NSD2: variants seen among roughly 807,000 people sequenced by gnomAD.
The protein encoded by NSD2 is nuclear receptor binding SET domain protein 2, also known as histone-lysine N-methyltransferase NSD2.
A neutral mutation model predicts 139.0 loss-of-function variants in NSD2; 12 were observed. That is an observed-to-expected ratio of 0.09 (90% CI 0.06 to 0.14). The LOEUF (loss-of-function observed/expected upper bound fraction) is 0.14. NSD2 is among the 10% of genes least tolerant of loss of function. The pLI, the probability that NSD2 is intolerant of heterozygous loss-of-function variation, is 1.00. For missense variants in NSD2, 1,155 were observed against 1,745.0 expected (o/e 0.66, Z 6.02); for synonymous variants, 669 against 648.7 (o/e 1.03, Z -0.48).
intron 1 of NSD2, among the ~76,000 whole-genome samples, chr4:1,899,979 C>T (rs1716938601): frequency 6.6e-6 from 1 of 152,182 alleles, no homozygotes; most frequent in South Asian, 2.1e-4. Context: ...CATAGCCAGA[C>T]CTGACTGGGA....
chr4:1,928,706 G>A (rs937165814), intron 5 of NSD2, among the ~76,000 whole-genome samples: 17 of 152,134 alleles, frequency 1.1e-4, no homozygotes, highest in Non-Finnish European at 2.5e-4. Flanking sequence ...CCTAACTGGG[G>A]GCTCTGGAGT....
intron 8 of NSD2, among the ~76,000 whole-genome samples, 182 bp downstream of exon 8, chr4:1,938,714 A>G (rs1722754916): frequency 6.6e-6 from 1 of 152,112 alleles, no homozygotes; most frequent in Admixed American, 6.5e-5. Context: ...GTTGAAAACT[A>G]AACTGTTTTA....
chr4:1,885,665 G>A (rs1715031649), intron 1 of NSD2, among the ~76,000 whole-genome samples: 1 of 151,936 alleles, frequency 6.6e-6, no homozygotes, highest in South Asian at 2.1e-4. Flanking sequence ...GCTCTTCATG[G>A]CTGTGCCTTC....
At chr4:1,900,291 A>C (rs973294490) in intron 1 of NSD2, among the ~76,000 whole-genome samples, 1 of 152,200 alleles carries the variant, frequency 6.6e-6, no homozygotes, top group Non-Finnish European at 1.5e-5. Flanking sequence ...GACAGGTGGA[A>C]ATCTGTGTTT....
At chr4:1,931,047 T>A (rs1721575078) in intron 6 of NSD2, among the ~76,000 whole-genome samples, 1 of 152,118 alleles carries the variant, frequency 6.6e-6, no homozygotes, top group Non-Finnish European at 1.5e-5. Context: ...TCACTGCTGC[T>A]GATGGGGCTG....
At chr4:1,873,179 G>C (rs969351819) in intron 1 of NSD2, among the ~76,000 whole-genome samples, 1 of 152,184 alleles carries the variant, frequency 6.6e-6, no homozygotes, top group Non-Finnish European at 1.5e-5. Flanking sequence ...GGTAGAGTGA[G>C]GACTTACTGC....
rs1727052392 is a variant in NSD2 at position 1,976,114 on chromosome 4, C to T, written c.3622-361C>T. On this transcript the variant is annotated intron_variant, in intron 20 of 21. Coordinates refer to ENST00000508803, the MANE Select transcript of NSD2 (RefSeq NM_001042424.3). The surrounding 1 kb of genome is among the most constrained non-coding windows in gnomAD (Gnocchi z 5.3). ...CTGTGCCCACGTTCCTGTGGAATTT[C>T]CTAATGAGGAGACCCTGGGTGGCGG... 6.6e-6 allele frequency among the ~76,000 whole-genome samples: 1 copy of T among 152,174 alleles called. No homozygotes were observed. Among genetic ancestry groups the T allele is most frequent in the Non-Finnish European group, 1.5e-5 (1 of 68,038 alleles).
At chr4:1,911,046 G>C (rs920089968) in intron 3 of NSD2, among the ~76,000 whole-genome samples, 1 of 151,960 alleles carries the variant, frequency 6.6e-6, no homozygotes, top group Non-Finnish European at 1.5e-5. Context: ...CTCTTGGTGG[G>C]GTTCATTTTG....
At chr4:1,950,988 G>C (rs1724159687) in intron 9 of NSD2, 84 bp from the exon 10 acceptor site, 2 of 1,549,356 alleles carry the variant, frequency 1.3e-6, no homozygotes, top group Non-Finnish European at 8.8e-7. Context: ...TGGTGGGGTG[G>C]GGCGGGACGA....
intron 3 of NSD2, among the ~76,000 whole-genome samples, chr4:1,909,772 C>G (rs1007186756): frequency 4.0e-5 from 6 of 151,710 alleles, no homozygotes; most frequent in Admixed American, 6.6e-5. Flanking sequence ...TCCCGAGTAG[C>G]TGGGATTACA....
Position 1,956,112 on chromosome 4 carries a change from A to C in NSD2, c.2805A>C (p.Arg935=), listed in dbSNP as rs1229875672. ...SKDYYWTHQA[R]VFPYMEGDRG... is the part of the protein sequence containing the mutation. ...ATTATTACTGGACGCATCAGGCGCGAGTGTTCCCGTACATGGAGGGGGACC... is the reference window on the plus strand; with the variant it reads ...ATTATTACTGGACGCATCAGGCGCGCGTGTTCCCGTACATGGAGGGGGACC... Residue 935 remains arginine, a synonymous_variant, in exon 15 of 22, where the codon CGA becomes CGC. Transcript: ENST00000508803. This position sits in a 1 kb window ranked among gnomAD's most constrained non-coding sequence, Gnocchi z 5.3. 2 of 1,613,792 alleles carry C rather than the reference A, an allele frequency of 1.2e-6. No homozygotes were observed. Among genetic ancestry groups the C allele is most frequent in the African/African-American group, 1.3e-5 (1 of 74,912 alleles).
At chr4:1,892,965 G>T (rs953477944) in intron 1 of NSD2, 7 of 151,878 alleles carry the variant, frequency 4.6e-5, no homozygotes, top group African/African-American at 1.7e-4. Flanking sequence ...TTTTATAATG[G>T]TCATGTTGCA....
At chr4:1,910,406 C>T (rs911038525) in intron 3 of NSD2, among the ~76,000 whole-genome samples, 9 of 151,522 alleles carry the variant, frequency 5.9e-5, no homozygotes, top group South Asian at 2.1e-4. Flanking sequence ...TGTATTTTTG[C>T]TAGAGATGGG....
chr4:1,952,702 T>A, intron 11 of NSD2: 1 of 1,066,438 alleles, frequency 9.4e-7, no homozygotes, highest in Non-Finnish European at 1.1e-6. Context: ...AGCTCCAGGC[T>A]TGTCCTGGGT....
chr4:1,977,426 C>T (rs1727209858), intron 21 of NSD2, among the ~76,000 whole-genome samples: 1 of 152,200 alleles, frequency 6.6e-6, no homozygotes, highest in South Asian at 2.1e-4. Context: ...CGCCATGAGG[C>T]TCTTGACTGT....
In NSD2 at chr4:1,958,907, G is replaced by A. The variant is rs1374640220; in HGVS notation, c.2986-564G>A. Among the ~76,000 whole-genome samples the A allele has an allele frequency of 6.6e-6, 1 of 152,166 alleles. No homozygotes were observed. Among genetic ancestry groups the A allele is most frequent in the African/African-American group, 2.4e-5 (1 of 41,440 alleles). ...CCTAAGATTATGCATTTCTACCCCA[G>A]CTGATTTTCAGCTGTCTCTACTGCT... On this transcript the variant is annotated intron_variant, in intron 16 of 21. Transcript: ENST00000508803. This position sits in a 1 kb window ranked among gnomAD's most constrained non-coding sequence, Gnocchi z 4.6.
intron 5 of NSD2, among the ~76,000 whole-genome samples, chr4:1,928,214 T>C (rs984683337): frequency 1.3e-5 from 2 of 152,182 alleles, no homozygotes; most frequent in Non-Finnish European, 2.9e-5. Flanking sequence ...TTTTTTGATA[T>C]GTTAAGAATA....
intron 3 of NSD2, among the ~76,000 whole-genome samples, chr4:1,909,886 A>G (rs1333104656): frequency 6.6e-6 from 1 of 151,690 alleles, no homozygotes; most frequent in African/African-American, 2.4e-5. Context: ...TGATCCGCCC[A>G]ACTCGGCCTC....
intron 10 of NSD2, among the ~76,000 whole-genome samples, chr4:1,951,660 C>T (rs1724284433): frequency 6.6e-6 from 1 of 152,216 alleles, no homozygotes; most frequent in Non-Finnish European, 1.5e-5. Flanking sequence ...AGCCAGGCCA[C>T]CTACACTCTG....
Sources: gnomAD v4.1 joint callset for allele counts (sites outside exome capture counted in the v4.1 genomes callset) on GRCh38, gnomAD v4.1.1 for gene constraint, Gnocchi (gnomAD v3.1) non-coding constraint, MANE v1.5 for transcripts, NCBI Gene and HGNC (gene_info 2026-07-23, HGNC 2026-07-21) for gene names.